Variants in UST observed in about 807,000 individuals in gnomAD.
UST encodes uronyl 2-sulfotransferase.
In UST, 21 loss-of-function variants were observed where a neutral mutation model predicts 45.6. The ratio of observed to expected loss-of-function variants is 0.46; its 90% CI spans 0.33 to 0.66. UST has a LOEUF of 0.66. Ranked by LOEUF, UST falls within the 30% of genes least tolerant of loss-of-function variation. The pLI is 0.02. For synonymous variants in UST, 215 were observed against 200.6 expected (o/e 1.07, Z -0.61); for missense variants, 463 against 512.4 (o/e 0.90, Z 0.93).
intron 7 of UST, among the ~76,000 whole-genome samples, chr6:149,026,083 G>T (rs1309167097): frequency 6.6e-6 from 1 of 151,768 alleles, no homozygotes; most frequent in African/African-American, 2.4e-5. Context: ...GGGAGGCAGA[G>T]GTTGCAGTGA....
At chr6:149,061,534 C>T (rs1355602161) in intron 7 of UST, among the ~76,000 whole-genome samples, 2 of 97,066 alleles carry the variant, frequency 2.1e-5, no homozygotes, top group African/African-American at 1.0e-4. Context: ...TCATTCACAT[C>T]CAGAAGTTAA....
chr6:148,900,601 G>A (rs149352671), intron 2 of UST, among the ~76,000 whole-genome samples: 177 of 152,288 alleles, frequency 1.2e-3, no homozygotes, highest in African/African-American at 4.1e-3. Context: ...TCTTCCTTTT[G>A]TAAATTGCCC....
At chr6:148,826,918 G>A (rs1204848622) in intron 1 of UST, among the ~76,000 whole-genome samples, 2 of 152,076 alleles carry the variant, frequency 1.3e-5, no homozygotes, top group Admixed American at 1.3e-4. Flanking sequence ...CTCAGTCCCT[G>A]ACTTTCTGTT....
intron 1 of UST, among the ~76,000 whole-genome samples, chr6:148,762,565 A>G (rs74904080): frequency 0.022 from 3,183 of 147,398 alleles, 110 homozygotes; most frequent in African/African-American, 0.076. Context: ...AGATGCAGGG[A>G]GTATAAGTGC....
intron 7 of UST, 86 bp downstream of exon 7, chr6:149,021,567 A>G: frequency 6.8e-7 from 1 of 1,478,056 alleles, no homozygotes. Context: ...GAAATAAAGG[A>G]GTGAAATGAT....
chr6:148,770,360 C>T (rs1311534155), intron 1 of UST, among the ~76,000 whole-genome samples: 3 of 150,350 alleles, frequency 2.0e-5, no homozygotes, highest in African/African-American at 7.4e-5. Flanking sequence ...AAGAAGAGCA[C>T]GTGCAAAGGC....
chr6:148,923,534 G>T (rs1582900938), intron 2 of UST, among the ~76,000 whole-genome samples: 1 of 152,212 alleles, frequency 6.6e-6, no homozygotes, highest in African/African-American at 2.4e-5. Context: ...TGTTTAAAGG[G>T]TTAGCATGTT....
chr6:148,812,166 C>T (rs1327011959), intron 1 of UST, among the ~76,000 whole-genome samples: 1 of 152,016 alleles, frequency 6.6e-6, no homozygotes, highest in Non-Finnish European at 1.5e-5. Context: ...TAAGAAAATG[C>T]ATACATGCAT....
intron 1 of UST, among the ~76,000 whole-genome samples, chr6:148,798,839 A>T (rs1271199434): frequency 6.8e-6 from 1 of 147,106 alleles, no homozygotes; most frequent in African/African-American, 2.5e-5. Context: ...AAAGCAATGC[A>T]GGAGGAGATA....
intron 5 of UST, among the ~76,000 whole-genome samples, chr6:149,012,676 T>C (rs1218824890): frequency 6.6e-6 from 1 of 152,162 alleles, no homozygotes; most frequent in Non-Finnish European, 1.5e-5. Context: ...TCCACAGTGG[T>C]ATATTTTGCA....
chr6:148,838,964 T>A (rs1339073851), intron 1 of UST, among the ~76,000 whole-genome samples: 1 of 152,172 alleles, frequency 6.6e-6, no homozygotes, highest in African/African-American at 2.4e-5. Flanking sequence ...AGCTGCCCAA[T>A]ATTCAATTTC....
At chr6:148,997,265 T>A (rs1226949091) in intron 5 of UST, among the ~76,000 whole-genome samples, 1 of 152,232 alleles carries the variant, frequency 6.6e-6, no homozygotes, top group Non-Finnish European at 1.5e-5. Flanking sequence ...GCTTTTTTTC[T>A]TGGATTCCAT....
At chr6:148,917,625 G>A (rs767958720) in intron 2 of UST, among the ~76,000 whole-genome samples, 1 of 152,152 alleles carries the variant, frequency 6.6e-6, no homozygotes, top group Non-Finnish European at 1.5e-5. Context: ...TACGTATTAC[G>A]ACACTGTACT....
intron 2 of UST, among the ~76,000 whole-genome samples, chr6:148,888,258 G>T (rs537371917): frequency 2.0e-5 from 3 of 152,150 alleles, no homozygotes; most frequent in African/African-American, 7.2e-5. Flanking sequence ...ACTCACTGTC[G>T]CCATGACAGC....
intron 2 of UST, among the ~76,000 whole-genome samples, chr6:148,917,991 T>G (rs7769159): frequency 0.037 from 5,589 of 152,286 alleles, 330 homozygotes; most frequent in African/African-American, 0.12. Context: ...CATTGATAAC[T>G]GTGGGTCCCG....
At chr6:148,827,738 A>C (rs1448064453) in intron 1 of UST, among the ~76,000 whole-genome samples, 2 of 151,898 alleles carry the variant, frequency 1.3e-5, no homozygotes, top group African/African-American at 4.8e-5. Flanking sequence ...AAAAAAAAAA[A>C]AAAAACCAAC....
chr6:148,949,962 C>T (rs951377736), intron 3 of UST, among the ~76,000 whole-genome samples: 2 of 152,246 alleles, frequency 1.3e-5, no homozygotes, highest in Non-Finnish European at 2.9e-5. Context: ...CATTGCCCAT[C>T]TCCATGAATG....
intron 1 of UST, among the ~76,000 whole-genome samples, chr6:148,754,723 T>C (rs1016276363): frequency 6.6e-6 from 1 of 152,350 alleles, no homozygotes; most frequent in Middle Eastern, 3.4e-3. Context: ...TGATACTGAC[T>C]TAAATACAAT....
At chr6:149,030,460 CA>C (rs538456636) in intron 7 of UST, among the ~76,000 whole-genome samples, 188 of 139,178 alleles carry the variant, frequency 1.4e-3, no homozygotes, top group African/African-American at 5.0e-3. Context: ...TGAGCAACAG[CA>C]AGATCCTGTT....
Sources: allele counts gnomAD v4.1 joint callset (sites outside exome capture counted in the v4.1 genomes callset), GRCh38; gene constraint gnomAD v4.1.1; transcripts MANE v1.5; gene names NCBI Gene and HGNC (gene_info 2026-07-23, HGNC 2026-07-21).